Variants in GALNT18 observed in about 807,000 individuals in gnomAD.
GALNT18 encodes polypeptide N-acetylgalactosaminyltransferase 18, also known as GalNAc-transferase 18.
GALNT18 carries 44 observed loss-of-function variants against 69.5 expected under a neutral mutation model. That is an observed-to-expected ratio of 0.63 (90% CI 0.50 to 0.81). The LOEUF is 0.81. Ranked by LOEUF, GALNT18 falls within the 40% of genes least tolerant of loss-of-function variation. The probability of loss-of-function intolerance (pLI) is 0.00; values close to 1 mark genes in which losing one functional copy is unlikely to be tolerated. For synonymous variants in GALNT18, 364 were observed against 318.2 expected (o/e 1.14, Z -1.53); for missense variants, 715 against 810.0 (o/e 0.88, Z 1.42).
rs895588617 is a variant in GALNT18, at chr11:11,497,479, C to G, written c.236-48543G>C. On this transcript the variant is annotated intron_variant, in intron 1 of 10. Coordinates refer to ENST00000227756, the MANE Select transcript of GALNT18 (RefSeq NM_198516.3). The surrounding 1 kb of genome is among the most constrained non-coding windows in gnomAD (Gnocchi z 4.2). Reference sequence around the variant, plus strand: ...GCCTGTTCACCTGCACCTCCAGAACCTGGAACAGTGTTAGGCACAAAATAG... The same window carrying G: ...GCCTGTTCACCTGCACCTCCAGAACGTGGAACAGTGTTAGGCACAAAATAG... 1.3e-5 allele frequency among the ~76,000 whole-genome samples: 2 copies of G among 151,828 alleles called. No homozygotes were observed. The highest frequency in any genetic ancestry group is 2.9e-5 in the Non-Finnish European group (2 of 67,992).
Position 11,435,800 on chromosome 11 carries a change from G to A in GALNT18, c.429-3013C>T, listed in dbSNP as rs562328750. ...AGAGTCAGGTCCCGGTCCTCCCGCC[G>A]ACCAGCAGGCTCCTGTTCTCCCATC... is the stretch of plus-strand genomic sequence containing the variant. On this transcript the variant is annotated intron_variant, in intron 2 of 10. Coordinates refer to ENST00000227756, the MANE Select transcript of GALNT18 (RefSeq NM_198516.3). The surrounding 1 kb of genome is among the most constrained non-coding windows in gnomAD (Gnocchi z 4.4). Among the ~76,000 whole-genome samples, 2 of 152,068 alleles carry A rather than the reference G, an allele frequency of 1.3e-5. No homozygotes were observed. The highest frequency in any genetic ancestry group is 2.9e-5 in the Non-Finnish European group (2 of 68,004).
chr11:11,427,359 T>C (rs1410918421), intron 3 of GALNT18, among the ~76,000 whole-genome samples: 1 of 152,138 alleles, frequency 6.6e-6, no homozygotes, highest in Non-Finnish European at 1.5e-5. Flanking sequence ...TTCCTGTGTT[T>C]GAGGAAGCAC....
chr11:11,299,523 C>A (rs948660314), intron 9 of GALNT18, among the ~76,000 whole-genome samples: 1 of 152,158 alleles, frequency 6.6e-6, no homozygotes, highest in Non-Finnish European at 1.5e-5. Context: ...AATTTTTACA[C>A]CTTTGCATCC....
Position 11,614,367 on chromosome 11 carries a change from AG to A in GALNT18, c.235+6991del. On this transcript the variant is annotated intron_variant, in intron 1 of 10. Transcript: ENST00000227756. This position sits in a 1 kb window ranked among gnomAD's most constrained non-coding sequence, Gnocchi z 5.6. Reference sequence around the variant, plus strand: ...GAGTGAGGAGAAGAAGAAGAAGAGGAGGAGGAGGAGGAGGAGGAGGAGGAGG... The same window carrying A: ...GAGTGAGGAGAAGAAGAAGAAGAGGAGAGGAGGAGGAGGAGGAGGAGGAGG... Among the ~76,000 whole-genome samples, 1 of 141,578 alleles carries A rather than the reference AG, an allele frequency of 7.1e-6. No individual in the cohort carries two copies. The highest frequency in any genetic ancestry group is 6.8e-5 in the Admixed American group (1 of 14,600). The allele number at this position is 141,578 out of a possible 152,430, so 92.9% of individuals were successfully genotyped here.
chr11:11,409,850 C>G (rs1854687249), intron 3 of GALNT18, among the ~76,000 whole-genome samples: 1 of 152,190 alleles, frequency 6.6e-6, no homozygotes, highest in Non-Finnish European at 1.5e-5. Context: ...TTCTGTCTGT[C>G]TTGTCTGAGG....
At chr11:11,471,550 C>T (rs1469653208) in intron 1 of GALNT18, among the ~76,000 whole-genome samples, 1 of 152,128 alleles carries the variant, frequency 6.6e-6, no homozygotes. Context: ...CAATGCTTCC[C>T]CCTTTCCTTG....
chr11:11,337,556 T>C lies in GALNT18; in HGVS notation c.1278+3263A>G, dbSNP rs1427172019. Among the ~76,000 whole-genome samples the C allele has an allele frequency of 2.0e-5, 3 of 152,148 alleles. No individual in the cohort carries two copies. The highest frequency in any genetic ancestry group is 4.4e-5 in the Non-Finnish European group (3 of 68,038). On this transcript the variant is annotated intron_variant, in intron 7 of 10. Transcript: ENST00000227756. This position sits in a 1 kb window ranked among gnomAD's most constrained non-coding sequence, Gnocchi z 4.9. The stretch of plus-strand genomic sequence containing the variant: ...AGACTTTTAGATAACAGAACACTCT[T>C]TCACAGGCTGGTCATGCAATGACAG...
At chr11:11,333,545 T>C (rs1850055797) in intron 7 of GALNT18, among the ~76,000 whole-genome samples, 1 of 151,970 alleles carries the variant, frequency 6.6e-6, no homozygotes, top group Non-Finnish European at 1.5e-5. Flanking sequence ...GGGTCTAGAG[T>C]TTCTGCTTTT....
Position 11,497,316 on chromosome 11 carries a change from C to G in GALNT18, c.236-48380G>C, listed in dbSNP as rs1295568967. 3.7e-5 allele frequency among the ~76,000 whole-genome samples: 4 copies of G among 107,144 alleles called. No individual in the cohort carries two copies. Among genetic ancestry groups the G allele is most frequent in the Non-Finnish European group, 7.9e-5 (4 of 50,720 alleles). 70.3% of individuals were successfully genotyped at this position (107,144 alleles called of 152,430 possible). A position where few individuals can be genotyped will look rare whatever the true frequency, so the allele number is the denominator to read the frequency against. On this transcript the variant is annotated intron_variant, in intron 1 of 10. Coordinates refer to ENST00000227756, the MANE Select transcript of GALNT18 (RefSeq NM_198516.3). The surrounding 1 kb of genome is among the most constrained non-coding windows in gnomAD (Gnocchi z 4.2). Reference sequence around the variant, plus strand: ...ATCCTACTTATTATTTATGTTTTACCTCCTGTCTCCAACACACACACACAC... The same window carrying G: ...ATCCTACTTATTATTTATGTTTTACGTCCTGTCTCCAACACACACACACAC...
chr11:11,282,973 A>T (rs751357719), intron 10 of GALNT18, among the ~76,000 whole-genome samples: 3 of 152,074 alleles, frequency 2.0e-5, no homozygotes, highest in African/African-American at 7.2e-5. Flanking sequence ...CGGCAAGTGT[A>T]AGAGGTGGCC....
At chr11:11,560,803 T>G (rs1858486961) in intron 1 of GALNT18, among the ~76,000 whole-genome samples, 1 of 152,226 alleles carries the variant, frequency 6.6e-6, no homozygotes, top group Non-Finnish European at 1.5e-5. Context: ...GGAGCAGAAT[T>G]ACTGAGATTC....
chr11:11,358,069 C>T lies in GALNT18; in HGVS notation c.1092+14446G>A, dbSNP rs1360738829. 3.5e-5 allele frequency among the ~76,000 whole-genome samples: 5 copies of T among 142,548 alleles called. 1 individual carries two copies. Among genetic ancestry groups the T allele is most frequent in the Non-Finnish European group, 7.9e-5 (5 of 63,342 alleles). The allele number at this position is 142,548 out of a possible 152,430, so 93.5% of individuals were successfully genotyped here. ...TCTGAGACTGTGGGATCACACTGTC[C>T]CTGCCTCCATCTCCTATGCCCATGT... On this transcript the variant is annotated intron_variant, in intron 6 of 10. Transcript: ENST00000227756.
At chr11:11,526,622 T>C (rs1857532908) in intron 1 of GALNT18, among the ~76,000 whole-genome samples, 1 of 152,148 alleles carries the variant, frequency 6.6e-6, no homozygotes, top group Non-Finnish European at 1.5e-5. Context: ...AAAGGCTACA[T>C]CTCAGGCTAC....
Position 11,621,248 on chromosome 11 carries a change from C to T in GALNT18, c.235+111G>A, listed in dbSNP as rs1185573025. 11 of 846,350 alleles carry T rather than the reference C, an allele frequency of 1.3e-5. No individual in the cohort carries two copies. The highest frequency in any genetic ancestry group is 9.4e-6 in the Non-Finnish European group (5 of 531,622). The allele number at this position is 846,350 out of a possible 1,614,324, so 52.4% of individuals were successfully genotyped here. On this transcript the variant is annotated intron_variant, in intron 1 of 10. Transcript: ENST00000227756. This position sits in a 1 kb window ranked among gnomAD's most constrained non-coding sequence, Gnocchi z 9.3. ...CCCCACGACTACCACGCATCTGCGG[C>T]CCCAGAGCCCCGCCGTGGCTGAGTT... is the stretch of plus-strand genomic sequence containing the variant.
intron 1 of GALNT18, among the ~76,000 whole-genome samples, chr11:11,554,225 C>T (rs1160698206): frequency 1.3e-5 from 2 of 152,294 alleles, no homozygotes; most frequent in East Asian, 3.9e-4. Context: ...CCTCCTAGTC[C>T]TGCCAATGCC....
At chr11:11,282,846 A>C (rs1849111789) in intron 10 of GALNT18, among the ~76,000 whole-genome samples, 1 of 152,220 alleles carries the variant, frequency 6.6e-6, no homozygotes, top group Admixed American at 6.5e-5. Context: ...TGTAGAGACC[A>C]TATTCTAGTA....
At chr11:11,554,600 G>A (rs537206119) in intron 1 of GALNT18, among the ~76,000 whole-genome samples, 9 of 152,124 alleles carry the variant, frequency 5.9e-5, no homozygotes, top group Admixed American at 5.9e-4. Context: ...TGTGATTAAT[G>A]TATTTAGGTC....
At chr11:11,574,586 G>A (rs1055471434) in intron 1 of GALNT18, among the ~76,000 whole-genome samples, 6 of 152,116 alleles carry the variant, frequency 3.9e-5, no homozygotes, top group Middle Eastern at 3.2e-3. Context: ...CCATCATGAC[G>A]TCACATGAGG....
At chr11:11,310,935 T>G (rs981265623) in intron 9 of GALNT18, among the ~76,000 whole-genome samples, 51 of 152,194 alleles carry the variant, frequency 3.4e-4, no homozygotes, top group Admixed American at 2.0e-4. Flanking sequence ...GATATAAACA[T>G]TATTCAGATA....
Sources: gnomAD v4.1 joint callset for allele counts (sites outside exome capture counted in the v4.1 genomes callset) on GRCh38, gnomAD v4.1.1 for gene constraint, Gnocchi (gnomAD v3.1) non-coding constraint, MANE v1.5 for transcripts, NCBI Gene and HGNC (gene_info 2026-07-23, HGNC 2026-07-21) for gene names.